The following AKNA variants were observed in gnomAD, a reference collection of about 807,000 sequenced individuals.
The protein encoded by AKNA is microtubule organization protein AKNA.
In AKNA, 67 loss-of-function variants were observed where a neutral mutation model predicts 138.8. That is an observed-to-expected ratio of 0.48 (90% CI 0.40 to 0.59). The LOEUF (loss-of-function observed/expected upper bound fraction) is 0.59, where lower values mean the gene tolerates loss of function less well. Ranked by LOEUF, AKNA falls within the 20% of genes least tolerant of loss-of-function variation. AKNA has a pLI of 0.00. For synonymous variants in AKNA, 737 were observed against 754.4 expected (o/e 0.98, Z 0.38); for missense variants, 1,813 against 1,880.4 (o/e 0.96, Z 0.66).
intron 1 of AKNA, among the ~76,000 whole-genome samples, chr9:114,386,702 C>G (rs912416698): frequency 6.6e-6 from 1 of 152,164 alleles, no homozygotes. Flanking sequence ...TCTCAAGGGT[C>G]TAACAGACCC....
intron 1 of AKNA, among the ~76,000 whole-genome samples, chr9:114,384,953 G>A (rs57847860): frequency 7.7e-4 from 118 of 152,292 alleles, no homozygotes; most frequent in African/African-American, 2.2e-3. Flanking sequence ...GGGCTCAAGC[G>A]ATCCTCCCAC....
intron 14 of AKNA, among the ~76,000 whole-genome samples, chr9:114,355,221 G>A (rs2131877424): frequency 6.7e-6 from 1 of 149,650 alleles, no homozygotes; most frequent in Admixed American, 6.7e-5. Context: ...TGTCACCCAG[G>A]CTGGAGTGCA....
At chr9:114,379,321 A>C (rs554958057) in intron 2 of AKNA, among the ~76,000 whole-genome samples, 72 of 152,366 alleles carry the variant, frequency 4.7e-4, no homozygotes, top group African/African-American at 1.7e-3. Context: ...GGAACAAGAG[A>C]GGGCCAGACC....
At chr9:114,385,938 G>A (rs796738497) in intron 1 of AKNA, among the ~76,000 whole-genome samples, 5 of 152,322 alleles carry the variant, frequency 3.3e-5, no homozygotes, top group African/African-American at 1.2e-4. Flanking sequence ...AGCTGGGCTT[G>A]CATTTTCCTC....
intron 18 of AKNA, 25 bp from the exon 19 acceptor site, chr9:114,343,828 A>T (rs1413881796): frequency 6.3e-7 from 1 of 1,589,022 alleles, no homozygotes; most frequent in Non-Finnish European, 8.6e-7. Flanking sequence ...CAGAACTGTC[A>T]GTATCAGCCC....
At chr9:114,343,678 T>G in intron 19 of AKNA, 30 bp downstream of exon 19, 2 of 1,608,314 alleles carry the variant, frequency 1.2e-6, no homozygotes, top group Admixed American at 3.3e-5. Flanking sequence ...CACAGCTGCC[T>G]GGGCCAGTTT....
chr9:114,392,131 G>T (rs921219197), upstream of AKNA, among the ~76,000 whole-genome samples: 1 of 145,468 alleles, frequency 6.9e-6, no homozygotes, highest in East Asian at 2.1e-4. Context: ...AAATCCACAG[G>T]GAGTCTGAGG....
Position 114,381,085 on chromosome 9 carries a change from G to A in AKNA, c.249C>T (p.Ser83=), listed in dbSNP as rs763435201. 6 of 1,580,298 alleles carry A rather than the reference G, an allele frequency of 3.8e-6. No individual in the cohort carries two copies. The highest frequency in any genetic ancestry group is 3.4e-5 in the South Asian group (3 of 87,446). The change falls in exon 2 of 22, where the codon TCC becomes TCT. Residue 83 remains serine (S), a synonymous_variant. Transcript: ENST00000374088. ...CTTCTCCCGAAGTCTCTCCTGACTCGGAATCCTGATGCCCATCGGGCTGCG... is the reference window on the plus strand; with the variant it reads ...CTTCTCCCGAAGTCTCTCCTGACTCAGAATCCTGATGCCCATCGGGCTGCG... ...PHPQPDGHQD[S]ESGETSGEEA... is the part of the protein sequence containing the mutation.
At chr9:114,359,238 T>G in intron 11 of AKNA, 1 of 296,526 alleles carries the variant, frequency 3.4e-6, no homozygotes, top group Non-Finnish European at 6.4e-6. Context: ...CTGGCTAATT[T>G]TTGTATTTCT....
chr9:114,346,534 T>C (rs1346284766), intron 17 of AKNA, 135 bp downstream of exon 17: 1 of 649,800 alleles, frequency 1.5e-6, no homozygotes, highest in African/African-American at 1.9e-5. Flanking sequence ...TTCACAGCAC[T>C]ATAATATCCT....
chr9:114,355,806 A>T, intron 14 of AKNA, 119 bp downstream of exon 14: 1 of 1,109,596 alleles, frequency 9.0e-7, no homozygotes, highest in Non-Finnish European at 1.3e-6. Context: ...GTTATCTGTA[A>T]TTTCAAATTT....
intron 7 of AKNA, 74 bp downstream of exon 7, chr9:114,364,486 G>A (rs1052362026): frequency 6.0e-6 from 9 of 1,490,672 alleles, no homozygotes; most frequent in Non-Finnish European, 6.5e-6. Flanking sequence ...CAGCAAAGAA[G>A]GCTTCAGAGA....
chr9:114,330,846 G>A (rs758827221), downstream of AKNA: 21 of 1,613,786 alleles, frequency 1.3e-5, no homozygotes, highest in Admixed American at 3.2e-4. Flanking sequence ...GGGAGAATGG[G>A]ACCGTCTCCA....
chr9:114,393,075 T>C (rs1589048344), intron 1 of AKNA, among the ~76,000 whole-genome samples: 1 of 152,202 alleles, frequency 6.6e-6, no homozygotes, highest in South Asian at 2.1e-4. Context: ...AAATACCTTA[T>C]AAAAGCCTTT....
At chr9:114,373,482 C>T (rs1832945774) in intron 4 of AKNA, among the ~76,000 whole-genome samples, 1 of 152,140 alleles carries the variant, frequency 6.6e-6, no homozygotes, top group Non-Finnish European at 1.5e-5. Flanking sequence ...GCTCACAGAG[C>T]CCAAGTAACG....
Position 114,335,029 on chromosome 9 carries a change from T to C in AKNA, c.*2025A>G, listed in dbSNP as rs1338746488. 1 of 152,224 alleles carries C rather than the reference T, an allele frequency of 6.6e-6. No homozygotes were observed. The highest frequency in any genetic ancestry group is 6.5e-5 in the Admixed American group (1 of 15,276). 9.4% of individuals were successfully genotyped at this position (152,224 alleles called of 1,614,324 possible). A position where few individuals can be genotyped will look rare whatever the true frequency, so the allele number is the denominator to read the frequency against. On this transcript the variant is annotated 3_prime_UTR_variant, in exon 22 of 22. Transcript: ENST00000374088. ...AGGCTCAGAACCTACAGGAAGTTTG[T>C]CCATTTCAGTGTTACTTTCAGTGAG...
chr9:114,367,006 G>A (rs570479037), intron 6 of AKNA, among the ~76,000 whole-genome samples: 69 of 152,216 alleles, frequency 4.5e-4, no homozygotes, highest in Admixed American at 2.2e-3. Flanking sequence ...TGGCTAAAAC[G>A]TATGTATTTT....
chr9:114,386,531 G>A (rs990281623), intron 1 of AKNA, among the ~76,000 whole-genome samples: 33 of 152,114 alleles, frequency 2.2e-4, no homozygotes, highest in African/African-American at 7.9e-4. Flanking sequence ...AAGGCAGTGA[G>A]TGGGGTTTGG....
chr9:114,347,742 C>A lies in AKNA; in HGVS notation c.3380G>T (p.Trp1127Leu). 6.5e-7 allele frequency: 1 copy of A among 1,533,372 alleles called. No homozygotes were observed. The highest frequency in any genetic ancestry group is 2.5e-5 in the East Asian group (1 of 39,538). 95.0% of individuals were successfully genotyped at this position (1,533,372 alleles called of 1,614,324 possible). The change falls in exon 16 of 22, where the codon TGG becomes TTG. Residue 1127 changes from tryptophan to leucine, a missense_variant. Transcript: ENST00000374088. ...RGRPADSPAT[W>L]GSHYGSKSTE... ...CACCCACCTGCCATAATGGGAGCCC[C>A]AGGTGGCTGGGGAGTCTGCTGGCCG...
Sources: gnomAD v4.1 joint callset for allele counts (sites outside exome capture counted in the v4.1 genomes callset) on GRCh38, gnomAD v4.1.1 for gene constraint, MANE v1.5 for transcripts, NCBI Gene and HGNC (gene_info 2026-07-23, HGNC 2026-07-21) for gene names.